PPP1R13B: variants seen among roughly 807,000 people sequenced by gnomAD.
The protein encoded by PPP1R13B is apoptosis-stimulating of p53 protein 1.
PPP1R13B carries 44 observed loss-of-function variants against 119.8 expected under a neutral mutation model. The observed-to-expected ratio is 0.37, with a 90% CI of 0.29 to 0.47. The LOEUF is 0.47. PPP1R13B is among the 20% of genes least tolerant of loss of function. The pLI, the probability that PPP1R13B is intolerant of heterozygous loss-of-function variation, is 0.99. For missense variants in PPP1R13B, 1,227 were observed against 1,413.5 expected, an observed-to-expected ratio of 0.87 and a Z score of 2.12; for synonymous variants, 542 against 561.5, an observed-to-expected ratio of 0.97 and a Z score of 0.49.
Position 103,754,051 on chromosome 14 carries a change from G to T in PPP1R13B, c.631+19C>A. ...GGGCCTGGTGAGAGTGGTGTCGAGG[G>T]GGTGTTGCAGGCACGTACACAGATT... On this transcript the variant is annotated intron_variant, in intron 6 of 16. Coordinates refer to ENST00000202556, the MANE Select transcript of PPP1R13B (RefSeq NM_015316.3). The T allele has an allele frequency of 6.2e-7, 1 of 1,609,788 alleles. No homozygotes were observed. Among genetic ancestry groups the T allele is most frequent in the Non-Finnish European group, 8.5e-7 (1 of 1,177,176 alleles).
chr14:103,831,916 A>G (rs1432942981), intron 1 of PPP1R13B, among the ~76,000 whole-genome samples: 1 of 151,904 alleles, frequency 6.6e-6, no homozygotes, highest in African/African-American at 2.4e-5. Flanking sequence ...AGCCTGGGTG[A>G]CAGAGCAAGA....
chr14:103,752,833 T>G (rs1567095248), intron 7 of PPP1R13B, among the ~76,000 whole-genome samples, 167 bp downstream of exon 7: 3 of 152,224 alleles, frequency 2.0e-5, no homozygotes, highest in Non-Finnish European at 4.4e-5. Context: ...GCACCCGGCC[T>G]ATCCCAAGTC....
chr14:103,812,138 T>C (rs939285454), intron 1 of PPP1R13B, among the ~76,000 whole-genome samples: 5 of 148,164 alleles, frequency 3.4e-5, no homozygotes, highest in African/African-American at 1.2e-4. Context: ...TTTTTTTTTT[T>C]TTTTTTTTCT....
chr14:103,797,097 CAAA>C (rs34404212), intron 2 of PPP1R13B, among the ~76,000 whole-genome samples: 3 of 109,472 alleles, frequency 2.7e-5, no homozygotes, highest in Admixed American at 9.7e-5. Context: ...GATACTGTCT[CAAA>C]AAAAAAAAAA....
chr14:103,821,823 T>C (rs1385849679), intron 1 of PPP1R13B, among the ~76,000 whole-genome samples: 2 of 151,910 alleles, frequency 1.3e-5, no homozygotes, highest in African/African-American at 4.8e-5. Flanking sequence ...ATAATATGAT[T>C]TGAAAACATA....
chr14:103,840,678 CT>C (rs1384175411), intron 1 of PPP1R13B, among the ~76,000 whole-genome samples: 2 of 151,950 alleles, frequency 1.3e-5, no homozygotes, highest in African/African-American at 2.4e-5. Context: ...GTAAACCCAG[CT>C]GCTTTGGAGG....
At chr14:103,792,169 C>CGTGTGTGTGTGTGT (rs58782839) in intron 2 of PPP1R13B, among the ~76,000 whole-genome samples, 2,059 of 137,166 alleles carry the variant, frequency 0.015, 22 homozygotes, top group Non-Finnish European at 0.019. Context: ...CTCTATTCAT[C>CGTGTGTGTGTGTGT]GTGTGTGTGT....
At chr14:103,761,879 T>TC (rs1220980300) in intron 4 of PPP1R13B, among the ~76,000 whole-genome samples, 7 of 152,262 alleles carry the variant, frequency 4.6e-5, no homozygotes, top group Non-Finnish European at 8.8e-5. Flanking sequence ...AACCCAATTG[T>TC]TCCTAGTCAG....
rs988195210 is a variant in PPP1R13B, at chr14:103,753,126, C to T, written c.702G>A (p.Arg234=). The T allele has an allele frequency of 8.1e-6, 13 of 1,613,702 alleles. No individual in the cohort carries two copies. Among genetic ancestry groups the T allele is most frequent in the Non-Finnish European group, 8.5e-6 (10 of 1,180,052 alleles). The change falls in exon 7 of 17, where the codon AGG becomes AGA. Residue 234 remains arginine, a synonymous_variant. Transcript: ENST00000202556. ...CCAATTGCTGACTAAGCTGATCAAC[C>T]CTTAAAATTGCAGTCTGTACTTCCT... ...KKQEVQTAIL[R]VDQLSQQLED...
At chr14:103,827,059 A>G (rs1187420) in intron 1 of PPP1R13B, among the ~76,000 whole-genome samples, 151,796 of 151,862 alleles carry the variant, frequency 1, 75,865 homozygotes, top group Middle Eastern at 1. Flanking sequence ...GCACGGTGGC[A>G]CACGCCAGTA....
chr14:103,843,018 A>G (rs1203940035), intron 1 of PPP1R13B, among the ~76,000 whole-genome samples: 2 of 151,966 alleles, frequency 1.3e-5, no homozygotes, highest in Non-Finnish European at 2.9e-5. Flanking sequence ...TTCCCCACAT[A>G]TATCTCATCT....
At chr14:103,763,576 T>C (rs1027035179) in intron 4 of PPP1R13B, among the ~76,000 whole-genome samples, 9 of 152,248 alleles carry the variant, frequency 5.9e-5, no homozygotes, top group Non-Finnish European at 8.8e-5. Context: ...TGAGTATAAC[T>C]TTCAGCCCTA....
intron 1 of PPP1R13B, among the ~76,000 whole-genome samples, chr14:103,806,172 G>A (rs1160536781): frequency 1.3e-5 from 2 of 152,152 alleles, no homozygotes; most frequent in African/African-American, 2.4e-5. Flanking sequence ...TGCTGCAACT[G>A]GCTGGGGAAG....
intron 1 of PPP1R13B, among the ~76,000 whole-genome samples, chr14:103,811,108 A>G (rs1277265238): frequency 1.3e-5 from 2 of 148,946 alleles, no homozygotes; most frequent in Non-Finnish European, 2.9e-5. Flanking sequence ...AAAAAAAAAA[A>G]AAAAAAAAAA....
rs1366827216 is a variant in PPP1R13B at position 103,749,765 on chromosome 14, G to C, written c.969+29C>G. ...ATGCTTGGATAAACTATCTTTAGTA[G>C]TTTATCTCACAAAAACTTTTTCACA... On this transcript the variant is annotated intron_variant, in intron 8 of 16. Transcript: ENST00000202556. The C allele has an allele frequency of 3.1e-6, 5 of 1,607,258 alleles. No individual in the cohort carries two copies. In the Admixed American group the frequency reaches 8.5e-5, roughly 27 times the overall value.
intron 4 of PPP1R13B, among the ~76,000 whole-genome samples, chr14:103,758,936 C>T (rs2084739479): frequency 6.6e-6 from 1 of 151,798 alleles, no homozygotes; most frequent in Non-Finnish European, 1.5e-5. Flanking sequence ...ACTCTTGAAA[C>T]ATGGGATCAG....
At chr14:103,844,002 C>G (rs1204690011) in intron 1 of PPP1R13B, among the ~76,000 whole-genome samples, 1 of 150,362 alleles carries the variant, frequency 6.7e-6, no homozygotes, top group East Asian at 2.0e-4. Context: ...AGGGGTGGCT[C>G]ACACCTGTAA....
At chr14:103,814,306 C>T (rs1360913233) in intron 1 of PPP1R13B, among the ~76,000 whole-genome samples, 2 of 151,656 alleles carry the variant, frequency 1.3e-5, no homozygotes, top group Non-Finnish European at 2.9e-5. Flanking sequence ...CCGAGATTGC[C>T]CCACTGCACT....
At chr14:103,778,335 C>T (rs1595759463) in intron 4 of PPP1R13B, among the ~76,000 whole-genome samples, 2 of 144,770 alleles carry the variant, frequency 1.4e-5, no homozygotes, top group East Asian at 4.0e-4. Context: ...GATCTTGGCT[C>T]ACTGCAACCT....
Sources: gnomAD v4.1 joint callset for allele counts (sites outside exome capture counted in the v4.1 genomes callset) on GRCh38, gnomAD v4.1.1 for gene constraint, MANE v1.5 for transcripts, NCBI Gene and HGNC (gene_info 2026-07-23, HGNC 2026-07-21) for gene names.